The following TDRD7 variants were observed in gnomAD, a reference collection of about 807,000 sequenced individuals.
TDRD7 encodes the protein tudor domain-containing protein 7.
Under a neutral mutation model 109.8 loss-of-function variants are expected in TDRD7, and 47 were observed. The observed-to-expected ratio is 0.43, with a 90% CI of 0.34 to 0.55. The LOEUF is 0.55. Among genes scored for constraint, TDRD7 ranks in the 20% least tolerant of loss-of-function variants. The pLI, the probability that TDRD7 is intolerant of heterozygous loss-of-function variation, is 0.03. For missense variants in TDRD7, 1,164 were observed against 1,319.2 expected (o/e 0.88, Z 1.82); for synonymous variants, 424 against 457.3 (o/e 0.93, Z 0.93).
In TDRD7 at chr9:97,439,314, G is replaced by T; in HGVS notation, c.633G>T (p.Met211Ile). Residue 211 changes from methionine to isoleucine, a missense_variant, in exon 5 of 17, where the codon ATG becomes ATT. Met to Ile is a conservative substitution (Grantham distance 10). This residue lies in a region of TDRD7 where 407 missense variants were observed against 394.0 expected (regional missense o/e 1.03). Coordinates refer to ENST00000355295, the MANE Select transcript of TDRD7 (RefSeq NM_014290.3). Reference sequence around the variant, plus strand: ...TCTCAAGAACCTCTACTAAGGAAATGAGTGGTATGTTTTCCAAACATTTTT... The same window carrying T: ...TCTCAAGAACCTCTACTAAGGAAATTAGTGGTATGTTTTCCAAACATTTTT... Reference protein sequence around the residue: ...MHLSRTSTKEMSDNLNQTVEK... With the variant: ...MHLSRTSTKEISDNLNQTVEK... 2 of 1,602,566 alleles carry T rather than the reference G, an allele frequency of 1.2e-6. No individual in the cohort carries two copies. The highest frequency in any genetic ancestry group is 2.2e-5 in the South Asian group (2 of 90,980).
At position 97,428,518 on chromosome 9, in the gene TDRD7, A is replaced by T. The variant is rs921476095; in HGVS notation, c.53A>T (p.His18Leu). The T allele has an allele frequency of 6.2e-7, 1 of 1,614,092 alleles. No homozygotes were observed. Among genetic ancestry groups the T allele is most frequent in the Admixed American group, 1.7e-5 (1 of 60,016 alleles). Residue 18 changes from histidine (H) to leucine (L), a missense_variant, in exon 2 of 17, where the codon CAT becomes CTT. Transcript: ENST00000355295. ...ATGCTACGAGCTGTTCTGCAGTCTCATAAGAATGGAGTAGCATTACCCCGG... is the reference window on the plus strand; with the variant it reads ...ATGCTACGAGCTGTTCTGCAGTCTCTTAAGAATGGAGTAGCATTACCCCGG... ...SKMLRAVLQS[H>L]KNGVALPRLQ...
intron 4 of TDRD7, 124 bp from the exon 5 acceptor site, chr9:97,439,121 A>T: frequency 1.8e-6 from 1 of 564,390 alleles, no homozygotes; most frequent in Non-Finnish European, 2.8e-6. Context: ...ATTTTAAATT[A>T]TTTTAATGAC....
chr9:97,483,017 A>C lies in TDRD7; in HGVS notation c.2581A>C (p.Asn861His), dbSNP rs774363246. Residue 861 changes from asparagine (N) to histidine (H), a missense_variant, in exon 15 of 17, where the codon AAC (asparagine) becomes CAC (histidine). By Grantham distance (68) the Asn-to-His change is moderately conservative (BLOSUM62 1). Coordinates refer to ENST00000355295, the MANE Select transcript of TDRD7 (RefSeq NM_014290.3). ...CATATCCAGTGGAGCTGACTCTCCC[A>C]ACAGCAAAAATGGCAACATGCCCAT... ...SAISSGADSP[N>H]SKNGNMPMSG... is the part of the protein sequence containing the mutation. The C allele has an allele frequency of 4.3e-6, 7 of 1,614,232 alleles. No individual in the cohort carries two copies. The highest frequency in any genetic ancestry group is 1.6e-4 in the Middle Eastern group (1 of 6,062).
Position 97,495,900 on chromosome 9 carries a change from C to T in TDRD7, c.*17C>T, listed in dbSNP as rs769329029. The stretch of plus-strand genomic sequence containing the variant: ...GTTAATTAATGACTGCCTCTGAAAC[C>T]TTGACAACTAATTCAGATTTTTTAG... On this transcript the variant is annotated 3_prime_UTR_variant, in exon 17 of 17. Transcript: ENST00000355295. The T allele has an allele frequency of 6.3e-5, 101 of 1,599,708 alleles. No individual in the cohort carries two copies. The highest frequency in any genetic ancestry group is 8.0e-5 in the Non-Finnish European group (93 of 1,167,454).
intron 5 of TDRD7, among the ~76,000 whole-genome samples, chr9:97,440,800 A>G (rs1255192610): frequency 6.6e-6 from 1 of 152,228 alleles, no homozygotes; most frequent in Non-Finnish European, 1.5e-5. Context: ...AATATTTAAT[A>G]TACTCAGATC....
rs1203851718 is a variant in TDRD7 at position 97,494,682 on chromosome 9, GTATATATATATGTA to G, written c.3077-969_3077-956del. On this transcript the variant is annotated intron_variant, in intron 16 of 16. Transcript: ENST00000355295. ...GACTTAATTGTATTTCTTGAAATAT[GTATATATATATGTA>G]TATATATATATATATATTTTTTTTT... 5.5e-5 allele frequency among the ~76,000 whole-genome samples: 8 copies of G among 144,608 alleles called. No individual in the cohort carries two copies. The South Asian group carries it at 1.1e-3, about 20-fold the overall frequency. 94.9% of individuals were successfully genotyped at this position (144,608 alleles called of 152,430 possible).
intron 16 of TDRD7, among the ~76,000 whole-genome samples, chr9:97,492,098 C>A (rs1204413144): frequency 1.3e-5 from 2 of 152,230 alleles, no homozygotes; most frequent in Non-Finnish European, 2.9e-5. Flanking sequence ...CTGTCTGTCT[C>A]TCTGGTTTTG....
intron 1 of TDRD7, among the ~76,000 whole-genome samples, chr9:97,420,373 C>T (rs866261205): frequency 1.5e-4 from 8 of 54,520 alleles, no homozygotes; most frequent in South Asian, 1.1e-3. Context: ...TTGGGGGGGG[C>T]GGGTGGGGGA....
intron 6 of TDRD7, among the ~76,000 whole-genome samples, chr9:97,454,853 G>T (rs1828575806): frequency 6.6e-6 from 1 of 151,974 alleles, no homozygotes; most frequent in African/African-American, 2.4e-5. Flanking sequence ...GAAGGAGATG[G>T]AGACAGGAAA....
chr9:97,425,238 G>A (rs1479965996), intron 1 of TDRD7, among the ~76,000 whole-genome samples: 1 of 152,152 alleles, frequency 6.6e-6, no homozygotes, highest in African/African-American at 2.4e-5. Flanking sequence ...TTTATTTTGG[G>A]TAAACTTTCC....
intron 6 of TDRD7, among the ~76,000 whole-genome samples, chr9:97,445,853 C>T (rs139226634): frequency 5.3e-5 from 8 of 152,228 alleles, no homozygotes; most frequent in Admixed American, 3.9e-4. Context: ...TGGTCAGGCA[C>T]ATTGGCTTAT....
intron 11 of TDRD7, 137 bp downstream of exon 11, chr9:97,473,763 G>A: frequency 8.8e-7 from 1 of 1,142,756 alleles, no homozygotes; most frequent in Non-Finnish European, 1.3e-6. Context: ...CTCTAGAATA[G>A]TAGGTAAAGA....
At chr9:97,493,118 G>A (rs1393730612) in intron 16 of TDRD7, among the ~76,000 whole-genome samples, 1 of 152,112 alleles carries the variant, frequency 6.6e-6, no homozygotes, top group Non-Finnish European at 1.5e-5. Flanking sequence ...ATTCTCCAGG[G>A]ACCTTGGGAT....
intron 5 of TDRD7, among the ~76,000 whole-genome samples, chr9:97,439,915 G>A (rs1247081565): frequency 6.6e-6 from 1 of 152,184 alleles, no homozygotes; most frequent in Non-Finnish European, 1.5e-5. Flanking sequence ...TCCAACCAAT[G>A]TGTAAATCCC....
intron 16 of TDRD7, among the ~76,000 whole-genome samples, chr9:97,488,560 G>GTTTT (rs61689126): frequency 3.6e-5 from 5 of 140,642 alleles, no homozygotes; most frequent in African/African-American, 5.2e-5. Context: ...AGATTTAATG[G>GTTTT]TTTTTTTTTT....
chr9:97,418,288 A>T (rs1827843269), intron 1 of TDRD7, among the ~76,000 whole-genome samples: 1 of 152,176 alleles, frequency 6.6e-6, no homozygotes. Flanking sequence ...AAAAATAAGG[A>T]TGAGCACTTC....
chr9:97,485,998 C>G (rs1293442226), intron 15 of TDRD7, among the ~76,000 whole-genome samples: 1 of 152,138 alleles, frequency 6.6e-6, no homozygotes, highest in Non-Finnish European at 1.5e-5. Flanking sequence ...CTTTTTGTTT[C>G]GGGGTTTCTC....
intron 8 of TDRD7, 130 bp from the exon 9 acceptor site, chr9:97,470,428 A>AGGTGGG: frequency 1.2e-6 from 1 of 820,592 alleles, no homozygotes; most frequent in East Asian, 2.7e-5. Flanking sequence ...GCACCTCCCC[A>AGGTGGG]GCTTTTTCCA....
At position 97,428,456 on chromosome 9, in the gene TDRD7, A is replaced by T. The variant is rs1174806681; in HGVS notation, c.-6-4A>T. Reference sequence around the variant, plus strand: ...TATAGTAACCTTCTACTGTGTTCTTATAGGCAAAGATGCTGGAAGGAGATC... The same window carrying T: ...TATAGTAACCTTCTACTGTGTTCTTTTAGGCAAAGATGCTGGAAGGAGATC... On this transcript the variant is annotated splice_polypyrimidine_tract_variant and splice_region_variant and intron_variant, in intron 1 of 16. Coordinates refer to ENST00000355295, the MANE Select transcript of TDRD7 (RefSeq NM_014290.3). 3 of 1,613,604 alleles carry T rather than the reference A, an allele frequency of 1.9e-6. No individual in the cohort carries two copies. In the Admixed American group the frequency reaches 5.0e-5, roughly 27 times the overall value.
Sources: allele counts gnomAD v4.1 joint callset (sites outside exome capture counted in the v4.1 genomes callset), GRCh38; gene constraint gnomAD v4.1.1; regional missense constraint gnomAD v4.1.1; transcripts MANE v1.5; gene names NCBI Gene and HGNC (gene_info 2026-07-23, HGNC 2026-07-21).